The following ELF5 variants were observed in gnomAD, a reference collection of about 807,000 sequenced individuals.
The protein encoded by ELF5 is ETS-related transcription factor Elf-5.
In ELF5, 31 loss-of-function variants were observed where a neutral mutation model predicts 38.2. The ratio of observed to expected loss-of-function variants is 0.81; its 90% CI spans 0.61 to 1.10. The LOEUF is 1.10. Among genes scored for constraint, ELF5 ranks in the 50% least tolerant of loss-of-function variants. The pLI is 0.00. For missense variants in ELF5, 300 were observed against 306.6 expected (o/e 0.98, Z 0.16); for synonymous variants, 121 against 112.5 (o/e 1.08, Z -0.48).
chr11:34,496,142 C>G (rs1401016107), intron 2 of ELF5, among the ~76,000 whole-genome samples: 1 of 152,244 alleles, frequency 6.6e-6, no homozygotes, highest in Non-Finnish European at 1.5e-5. Context: ...CCAAGGGGGC[C>G]TCAAGGATTC....
chr11:34,484,422 T>C (rs1857022751), intron 4 of ELF5, among the ~76,000 whole-genome samples: 1 of 151,770 alleles, frequency 6.6e-6, no homozygotes, highest in Admixed American at 6.6e-5. Flanking sequence ...TATACTATAC[T>C]AACTATACTG....
chr11:34,491,042 AC>A (rs1850159435), intron 3 of ELF5, among the ~76,000 whole-genome samples: 1 of 151,592 alleles, frequency 6.6e-6, no homozygotes, highest in Non-Finnish European at 1.5e-5. Flanking sequence ...AGGCCTTACA[AC>A]CCCCTTCCAG....
In ELF5 at chr11:34,493,615, G is replaced by A; in HGVS notation, c.219C>T (p.Asp73=). Residue 73 remains aspartate, a synonymous_variant, in exon 3 of 7, where the codon GAC becomes GAT. Transcript: ENST00000257832. Reference sequence around the variant, plus strand: ...AGTTGCAGAAGGAGATGCAATTGGTGTCCAACTTGTACTGGTCGCAGCAGA... The same window carrying A: ...AGTTGCAGAAGGAGATGCAATTGGTATCCAACTTGTACTGGTCGCAGCAGA... ...LQFCCDQYKL[D]TNCISFCNFN... 6.2e-7 allele frequency: 1 copy of A among 1,614,230 alleles called. No individual in the cohort carries two copies. The highest frequency in any genetic ancestry group is 1.1e-5 in the South Asian group (1 of 91,088).
At chr11:34,497,320 A>ATG in intron 2 of ELF5, among the ~76,000 whole-genome samples, 1 of 152,224 alleles carries the variant, frequency 6.6e-6, no homozygotes, top group Non-Finnish European at 1.5e-5. Context: ...TATGTCGACC[A>ATG]GTAGACCATC....
intron 4 of ELF5, among the ~76,000 whole-genome samples, chr11:34,484,252 CATACT>C (rs138385622): frequency 0.29 from 44,084 of 150,152 alleles, 8,571 homozygotes; most frequent in Non-Finnish European, 0.42. Flanking sequence ...TATACTGTAG[CATACT>C]ATACTAATCA....
intron 1 of ELF5, among the ~76,000 whole-genome samples, chr11:34,507,301 G>A (rs1850635289): frequency 6.6e-6 from 1 of 152,228 alleles, no homozygotes; most frequent in South Asian, 2.1e-4. Context: ...GAGTACTTTA[G>A]CACTTTAGCT....
At chr11:34,503,945 C>A (rs541504704) in intron 2 of ELF5, among the ~76,000 whole-genome samples, 14 of 152,316 alleles carry the variant, frequency 9.2e-5, no homozygotes, top group African/African-American at 3.4e-4. Flanking sequence ...CAGAGCCAGA[C>A]TTCCCATTTG....
At chr11:34,494,913 G>T (rs1850279673) in intron 2 of ELF5, among the ~76,000 whole-genome samples, 1 of 152,198 alleles carries the variant, frequency 6.6e-6, no homozygotes, top group South Asian at 2.1e-4. Context: ...GAGCCTGGAG[G>T]ATTTAAATGC....
rs1362226141 is a variant in ELF5 at position 34,493,503 on chromosome 11, T to A, written c.331A>T (p.Ile111Phe). ...AGLCGEYLYF[I>F]LQNIRTQGYS... Reference sequence around the variant, plus strand: ...CCTTGTGTGCGGATGTTCTGGAGGATGAAGTACAGGTACTCGCCGCAGAGG... The same window carrying A: ...CCTTGTGTGCGGATGTTCTGGAGGAAGAAGTACAGGTACTCGCCGCAGAGG... The change falls in exon 3 of 7, where the codon ATC becomes TTC. Residue 111 changes from isoleucine (I) to phenylalanine (F), a missense_variant. Transcript: ENST00000257832. The A allele has an allele frequency of 6.2e-7, 1 of 1,613,976 alleles. No individual in the cohort carries two copies. Among genetic ancestry groups the A allele is most frequent in the East Asian group, 2.2e-5 (1 of 44,882 alleles).
intron 5 of ELF5, among the ~76,000 whole-genome samples, chr11:34,481,886 C>A (rs1856950474): frequency 6.6e-6 from 1 of 152,150 alleles, no homozygotes. Context: ...TAATACATAC[C>A]AAGTGGTTAG....
At chr11:34,484,434 A>T (rs1185564214) in intron 4 of ELF5, among the ~76,000 whole-genome samples, 1 of 149,214 alleles carries the variant, frequency 6.7e-6, no homozygotes, top group African/African-American at 2.5e-5. Flanking sequence ...ACTATACTGC[A>T]CTGTACTGTA....
intron 5 of ELF5, among the ~76,000 whole-genome samples, chr11:34,481,449 T>C (rs1051288040): frequency 1.3e-5 from 2 of 152,212 alleles, no homozygotes; most frequent in East Asian, 3.8e-4. Context: ...AGCTGTGACA[T>C]GTCTGTGTCT....
chr11:34,502,171 G>A (rs909577071), intron 2 of ELF5, among the ~76,000 whole-genome samples: 1 of 152,204 alleles, frequency 6.6e-6, no homozygotes, highest in Non-Finnish European at 1.5e-5. Flanking sequence ...ACTCCAGGAG[G>A]CAGAGGAAAG....
At chr11:34,499,962 C>T (rs1850419278) in intron 2 of ELF5, among the ~76,000 whole-genome samples, 1 of 152,132 alleles carries the variant, frequency 6.6e-6, no homozygotes, top group Non-Finnish European at 1.5e-5. Flanking sequence ...AACAATAGTA[C>T]CTATATCTTA....
intron 2 of ELF5, among the ~76,000 whole-genome samples, chr11:34,504,965 T>G (rs1303232481): frequency 6.6e-6 from 1 of 152,148 alleles, no homozygotes; most frequent in East Asian, 1.9e-4. Flanking sequence ...GCTCCCTTAG[T>G]CCTTATAGTA....
At chr11:34,513,483 C>T (rs1398007152) in intron 1 of ELF5, among the ~76,000 whole-genome samples, 194 bp downstream of exon 1, 1 of 152,212 alleles carries the variant, frequency 6.6e-6, no homozygotes, top group Admixed American at 6.5e-5. Context: ...ACACGGCCTG[C>T]GGAGGCAAGC....
intron 1 of ELF5, among the ~76,000 whole-genome samples, chr11:34,506,755 C>T (rs1425847674): frequency 4.6e-5 from 7 of 152,102 alleles, no homozygotes; most frequent in Non-Finnish European, 1.0e-4. Context: ...CTCAAGTGAT[C>T]TCCCCTTCTT....
At chr11:34,489,954 A>T in intron 4 of ELF5, 55 bp downstream of exon 4, 1 of 1,590,946 alleles carries the variant, frequency 6.3e-7, no homozygotes, top group Non-Finnish European at 8.6e-7. Context: ...GGTCAAGCCC[A>T]TGTACCAATG....
At chr11:34,507,998 TTTTTG>T (rs1850651658) in intron 1 of ELF5, among the ~76,000 whole-genome samples, 2 of 152,312 alleles carry the variant, frequency 1.3e-5, no homozygotes, top group African/African-American at 4.8e-5. Flanking sequence ...ATCAACTCCC[TTTTTG>T]TTTTAACATA....
Sources: gnomAD v4.1 joint callset for allele counts (sites outside exome capture counted in the v4.1 genomes callset) on GRCh38, gnomAD v4.1.1 for gene constraint, MANE v1.5 for transcripts, NCBI Gene and HGNC (gene_info 2026-07-23, HGNC 2026-07-21) for gene names.